The following COL6A2 variants were observed in gnomAD, a reference collection of about 807,000 sequenced individuals.
The protein encoded by COL6A2 is collagen alpha-2(VI) chain.
A neutral mutation model predicts 124.9 loss-of-function variants in COL6A2; 90 were observed. The ratio of observed to expected loss-of-function variants is 0.72; its 90% CI spans 0.61 to 0.86. The LOEUF is 0.86. Ranked by LOEUF, COL6A2 falls within the 40% of genes least tolerant of loss-of-function variation. The pLI is 0.00. For synonymous variants in COL6A2, 793 were observed against 618.2 expected, an observed-to-expected ratio of 1.28 and a Z score of -4.19; for missense variants, 1,607 against 1,502.5, an observed-to-expected ratio of 1.07 and a Z score of -1.15.
At chr21:46,130,974 GCTCA>G (rs1340779685) in intron 27 of COL6A2, among the ~76,000 whole-genome samples, 3 of 152,192 alleles carry the variant, frequency 2.0e-5, no homozygotes, top group Admixed American at 6.5e-5. Context: ...TCAGAGCTTT[GCTCA>G]CTGCCTGCGG....
chr21:46,112,892 C>G lies in COL6A2; in HGVS notation c.735+68C>G, dbSNP rs767377489. On this transcript the variant is annotated intron_variant, in intron 4 of 27. Transcript: ENST00000300527. ...ACCCAGCAGAGATGACCGCGCCAGG[C>G]TGCCGACTCCTGGCGCCTCCAGGCT... 3 of 1,597,098 alleles carry G rather than the reference C, an allele frequency of 1.9e-6. No individual in the cohort carries two copies. In the East Asian group the frequency reaches 6.7e-5, roughly 36 times the overall value.
In COL6A2 at chr21:46,121,075, GC is replaced by G; in HGVS notation, c.1412del (p.Pro471LeufsTer74). 6.2e-7 allele frequency: 1 copy of G among 1,612,818 alleles called. No individual in the cohort carries two copies. Among genetic ancestry groups the G allele is most frequent in the Non-Finnish European group, 8.5e-7 (1 of 1,179,954 alleles). On this transcript the variant is annotated frameshift_variant, in exon 17 of 28. Coordinates refer to ENST00000300527, the MANE Select transcript of COL6A2 (RefSeq NM_001849.4). LOFTEE classifies it high-confidence loss of function. ...NKGAKGDRGL[P>X]GPRGPQGALG... The stretch of plus-strand genomic sequence containing the variant: ...CTTTCTTCCAGGGAGACCGAGGCTT[GC>G]CTGGACCCAGAGGCCCCCAGGGAGC...
intron 27 of COL6A2, among the ~76,000 whole-genome samples, chr21:46,127,182 C>T (rs1043690751): frequency 2.6e-4 from 40 of 152,278 alleles, no homozygotes; most frequent in African/African-American, 8.4e-4. Flanking sequence ...GGAGCTGAGT[C>T]CCCCTCAGTG....
intron 1 of COL6A2, among the ~76,000 whole-genome samples, chr21:46,108,230 A>G (rs182242350): frequency 6.6e-6 from 1 of 151,836 alleles, no homozygotes; most frequent in East Asian, 1.9e-4. Context: ...TTACTGTCTT[A>G]TTGCATTGGC....
intron 12 of COL6A2, 90 bp from the exon 13 acceptor site, chr21:46,118,523 GC>G: frequency 7.8e-7 from 1 of 1,274,016 alleles, no homozygotes; most frequent in Non-Finnish European, 1.1e-6. Flanking sequence ...GCAGTCCCAA[GC>G]CCGACCGTGG....
chr21:46,120,175 C>T (rs550086172), intron 15 of COL6A2, among the ~76,000 whole-genome samples: 1 of 98,688 alleles, frequency 1.0e-5, no homozygotes, highest in South Asian at 3.5e-4. Context: ...TGCTCACCCA[C>T]GTGACCTCAG....
chr21:46,112,437 C>G lies in COL6A2; in HGVS notation c.574C>G (p.Pro192Ala). 1 of 1,609,876 alleles carries G rather than the reference C, an allele frequency of 6.2e-7. No homozygotes were observed. Among genetic ancestry groups the G allele is most frequent in the Non-Finnish European group, 8.5e-7 (1 of 1,179,638 alleles). The change falls in exon 3 of 28, where the codon CCC becomes GCC. Residue 192 changes from proline to alanine, a missense_variant. This residue lies in a region of COL6A2 where 342 missense variants were observed against 381.5 expected (regional missense o/e 0.90). Coordinates refer to ENST00000300527, the MANE Select transcript of COL6A2 (RefSeq NM_001849.4). ...GGGCATCCGGCTCTTCGCCGTGGCC[C>G]CCAACCAGAACCTGAAGGAGCAGGG... Reference protein sequence around the residue: ...EEGIRLFAVAPNQNLKEQGLR... With the variant: ...EEGIRLFAVAANQNLKEQGLR...
chr21:46,112,518 A>G lies in COL6A2; in HGVS notation c.655A>G (p.Met219Val), dbSNP rs771548221. Residue 219 changes from methionine (M) to valine (V), a missense_variant, in exon 3 of 28, where the codon ATG (methionine) becomes GTG (valine). By Grantham distance (21) the Met-to-Val change is conservative (BLOSUM62 1). Transcript: ENST00000300527. ...HELYRNDYAT[M>V]LPDSTEIDQD... ...GCTCTACCGCAACGACTACGCCACC[A>G]TGCTGCCCGACTCCACCGAGATCGA... The G allele has an allele frequency of 6.2e-6, 10 of 1,611,782 alleles. No homozygotes were observed. The highest frequency in any genetic ancestry group is 1.1e-5 in the South Asian group (1 of 91,030).
intron 27 of COL6A2, among the ~76,000 whole-genome samples, chr21:46,126,909 G>A (rs1466276724): frequency 6.6e-6 from 1 of 152,162 alleles, no homozygotes; most frequent in Non-Finnish European, 1.5e-5. Context: ...GGAAGCCCTG[G>A]ATTCAGTGAG....
At chr21:46,129,356 G>T (rs754706219) in intron 27 of COL6A2, 2 of 1,612,842 alleles carry the variant, frequency 1.2e-6, no homozygotes, top group South Asian at 1.1e-5. Flanking sequence ...TGGCCGTGCT[G>T]GTCTACACCG....
chr21:46,108,168 C>A (rs1329599404), intron 1 of COL6A2, among the ~76,000 whole-genome samples: 1 of 150,996 alleles, frequency 6.6e-6, no homozygotes, highest in Non-Finnish European at 1.5e-5. Context: ...ACAATCCTAT[C>A]TTTAATAAGG....
intron 27 of COL6A2, among the ~76,000 whole-genome samples, chr21:46,131,570 T>C (rs968157854): frequency 6.6e-6 from 1 of 152,166 alleles, no homozygotes; most frequent in Non-Finnish European, 1.5e-5. Context: ...CCTCCTTAAG[T>C]ACCTCCCACA....
intron 27 of COL6A2, chr21:46,129,924 G>A: frequency 1.2e-6 from 1 of 861,316 alleles, no homozygotes; most frequent in Non-Finnish European, 1.4e-6. Flanking sequence ...GTCTGGGATG[G>A]GGCTGAGGGA....
At chr21:46,131,903 C>G (rs575189845) in intron 27 of COL6A2, 51 bp from the exon 28 acceptor site, 55 of 1,506,842 alleles carry the variant, frequency 3.7e-5, no homozygotes, top group Non-Finnish European at 4.0e-5. Context: ...GGCACCTGCC[C>G]GGTCCTGCCC....
intron 18 of COL6A2, 148 bp downstream of exon 18, chr21:46,121,766 G>C: frequency 1.3e-6 from 1 of 797,304 alleles, no homozygotes; most frequent in Non-Finnish European, 2.1e-6. Flanking sequence ...TGGAGTGAGG[G>C]GATGCCTCCG....
chr21:46,112,881 A>G, intron 4 of COL6A2, 57 bp downstream of exon 4: 1 of 1,611,042 alleles, frequency 6.2e-7, no homozygotes, highest in Non-Finnish European at 8.5e-7. Flanking sequence ...AGCAGAGATG[A>G]CCGCGCCAGG....
chr21:46,109,320 G>C (rs1419008034), intron 1 of COL6A2, among the ~76,000 whole-genome samples: 3 of 152,186 alleles, frequency 2.0e-5, no homozygotes, highest in African/African-American at 7.2e-5. Flanking sequence ...TGCTCTGACT[G>C]AGCCTGGGGC....
intron 16 of COL6A2, 31 bp from the exon 17 acceptor site, chr21:46,121,030 G>A: frequency 1.2e-6 from 2 of 1,608,972 alleles, no homozygotes; most frequent in Non-Finnish European, 1.7e-6. Flanking sequence ...TGTCAGTCAA[G>A]AGAACCCCAA....
intron 27 of COL6A2, 45 bp downstream of exon 27, chr21:46,126,586 G>C: frequency 6.2e-7 from 1 of 1,611,538 alleles, no homozygotes; most frequent in South Asian, 1.1e-5. Flanking sequence ...TAGCAAAGCA[G>C]CCCTGGTGTC....
Sources: gnomAD v4.1 joint callset for allele counts (sites outside exome capture counted in the v4.1 genomes callset) on GRCh38, gnomAD v4.1.1 for gene constraint, gnomAD v4.1.1 regional missense constraint, MANE v1.5 for transcripts, NCBI Gene and HGNC (gene_info 2026-07-23, HGNC 2026-07-21) for gene names.